Variants in STK32B observed in about 807,000 individuals in gnomAD.
STK32B encodes the protein serine/threonine-protein kinase 32B.
A neutral mutation model predicts 52.6 loss-of-function variants in STK32B; 43 were observed. The ratio of observed to expected loss-of-function variants is 0.82; its 90% CI spans 0.64 to 1.05. STK32B has a LOEUF of 1.05. Ranked by LOEUF, STK32B falls within the 50% of genes least tolerant of loss-of-function variation. STK32B has a pLI of 0.00. For synonymous variants in STK32B, 238 were observed against 204.3 expected (o/e 1.17, Z -1.41); for missense variants, 621 against 534.6 (o/e 1.16, Z -1.59).
chr4:5,242,890 G>A lies in STK32B; in HGVS notation c.260+74440G>A, dbSNP rs1017055057. Among the ~76,000 whole-genome samples, 18 of 152,012 alleles carry A rather than the reference G, an allele frequency of 1.2e-4. No homozygotes were observed. In the East Asian group the frequency reaches 3.3e-3, roughly 28 times the overall value. On this transcript the variant is annotated intron_variant, in intron 3 of 11. Transcript: ENST00000282908. ...TTTGTCAAAGATCAGATGGTTGTAG[G>A]TATGCGGCATTATTTCTGAGGCCTC...
intron 11 of STK32B, among the ~76,000 whole-genome samples, chr4:5,474,203 A>C (rs934143593): frequency 6.6e-6 from 1 of 152,160 alleles, no homozygotes; most frequent in Non-Finnish European, 1.5e-5. Flanking sequence ...TCCCAGCAAT[A>C]TGATAGGGAC....
At chr4:5,388,861 C>T (rs771914177) in intron 4 of STK32B, among the ~76,000 whole-genome samples, 1 of 152,212 alleles carries the variant, frequency 6.6e-6, no homozygotes, top group Non-Finnish European at 1.5e-5. Context: ...TGAAATCTCC[C>T]TGAGATATAC....
chr4:5,415,963 C>T (rs1006852475), intron 5 of STK32B, among the ~76,000 whole-genome samples: 9 of 152,262 alleles, frequency 5.9e-5, no homozygotes, highest in Middle Eastern at 6.8e-3. Flanking sequence ...CATTTAAGTC[C>T]CACATGCCAA....
intron 4 of STK32B, among the ~76,000 whole-genome samples, chr4:5,350,065 A>G (rs2108983879): frequency 6.6e-6 from 1 of 152,356 alleles, no homozygotes; most frequent in East Asian, 1.9e-4. Context: ...AACCTATTTA[A>G]TGAAAATTCT....
chr4:5,353,752 G>A (rs1433286410), intron 4 of STK32B, among the ~76,000 whole-genome samples: 1 of 152,156 alleles, frequency 6.6e-6, no homozygotes, highest in Non-Finnish European at 1.5e-5. Context: ...AGATGCTGGT[G>A]AGGATGTAAA....
chr4:5,307,708 A>G (rs1730021038), intron 3 of STK32B, among the ~76,000 whole-genome samples: 1 of 152,026 alleles, frequency 6.6e-6, no homozygotes, highest in South Asian at 2.1e-4. Context: ...GTTTTGTCAT[A>G]TTACCAGAAT....
intron 3 of STK32B, among the ~76,000 whole-genome samples, chr4:5,231,942 G>A (rs1475940515): frequency 6.6e-6 from 1 of 152,204 alleles, no homozygotes; most frequent in Non-Finnish European, 1.5e-5. Context: ...AAGATACACA[G>A]AAGAAAGGAT....
chr4:5,456,702 G>C, intron 7 of STK32B, 105 bp from the exon 8 acceptor site: 8 of 1,063,802 alleles, frequency 7.5e-6, no homozygotes, highest in Non-Finnish European at 1.1e-5. Context: ...ACTGTTACTT[G>C]AAGAGGAAGA....
At chr4:5,084,533 T>G (rs182459001) in intron 1 of STK32B, among the ~76,000 whole-genome samples, 53 of 152,336 alleles carry the variant, frequency 3.5e-4, no homozygotes, top group African/African-American at 1.2e-3. Flanking sequence ...ATGGCAGGAT[T>G]CCAAGTATGG....
intron 3 of STK32B, among the ~76,000 whole-genome samples, chr4:5,237,263 G>T (rs113587497): frequency 6.6e-6 from 1 of 152,166 alleles, no homozygotes; most frequent in African/African-American, 2.4e-5. Context: ...CTCAGCTCAC[G>T]CCAGATTCCT....
chr4:5,274,501 C>G (rs1251458279), intron 3 of STK32B, among the ~76,000 whole-genome samples: 1 of 151,600 alleles, frequency 6.6e-6, no homozygotes, highest in South Asian at 2.1e-4. Flanking sequence ...ACCACATCCA[C>G]CTTTAAACAC....
chr4:5,219,307 G>A (rs1254871260), intron 3 of STK32B, among the ~76,000 whole-genome samples: 10 of 152,230 alleles, frequency 6.6e-5, no homozygotes, highest in Admixed American at 5.9e-4. Context: ...CCTTTGGTGT[G>A]TGGAATTGGG....
At chr4:5,340,517 C>T (rs1733006192) in intron 4 of STK32B, among the ~76,000 whole-genome samples, 1 of 152,182 alleles carries the variant, frequency 6.6e-6, no homozygotes, top group Admixed American at 6.5e-5. Flanking sequence ...CCCTGCTTTT[C>T]TCATTTATTG....
chr4:5,363,161 A>G (rs1159508663), intron 4 of STK32B, among the ~76,000 whole-genome samples: 2 of 152,218 alleles, frequency 1.3e-5, no homozygotes, highest in Non-Finnish European at 2.9e-5. Flanking sequence ...CCTATCAGGA[A>G]TGTTTAAAGG....
intron 3 of STK32B, among the ~76,000 whole-genome samples, chr4:5,227,820 A>C (rs1474652328): frequency 4.6e-5 from 7 of 152,218 alleles, no homozygotes; most frequent in Admixed American, 4.6e-4. Context: ...CATCAGTGCC[A>C]TTCTTAAGTG....
intron 4 of STK32B, among the ~76,000 whole-genome samples, chr4:5,393,258 A>G (rs369882060): frequency 2.6e-5 from 4 of 152,240 alleles, no homozygotes; most frequent in South Asian, 2.1e-4. Flanking sequence ...CCACTCTGTT[A>G]TTATTCATAA....
chr4:5,498,964 CA>C lies in STK32B; in HGVS notation c.1127del (p.Gln376ArgfsTer65). ...NREKLRRQQG[Q>X]GSQLLDTDSR... Reference sequence around the variant, plus strand: ...TTGCAGGCTCAGGAGGCAGCAGGGACAGGGCAGCCAGCTCTTGGACACCGAC... The same window carrying C: ...TTGCAGGCTCAGGAGGCAGCAGGGACGGGCAGCCAGCTCTTGGACACCGAC... On this transcript the variant is annotated frameshift_variant, in exon 12 of 12. Coordinates refer to ENST00000282908, the MANE Select transcript of STK32B (RefSeq NM_018401.3). LOFTEE classifies it high-confidence loss of function. 6.2e-7 allele frequency: 1 copy of C among 1,613,008 alleles called. No individual in the cohort carries two copies. The highest frequency in any genetic ancestry group is 8.5e-7 in the Non-Finnish European group (1 of 1,179,386).
intron 11 of STK32B, among the ~76,000 whole-genome samples, chr4:5,477,561 TAAC>T (rs1489634336): frequency 6.6e-6 from 1 of 152,166 alleles, no homozygotes. Flanking sequence ...TTCAGTGACT[TAAC>T]AACAACCAAG....
rs370723859 is a variant in STK32B, at chr4:5,438,901, T to C, written c.563-7772T>C. On this transcript the variant is annotated intron_variant, in intron 6 of 11. Transcript: ENST00000282908. ...ATTTACTGAGAATGATGATTTCCAA[T>C]TTCATCCATGTCCCTACAAAGGACA... Among the ~76,000 whole-genome samples the C allele has an allele frequency of 9.8e-3, 1,491 of 151,864 alleles. 33 individuals are homozygous for C. The highest frequency in any genetic ancestry group is 0.034 in the African/African-American group (1,399 of 41,404).
Sources: allele counts gnomAD v4.1 joint callset (sites outside exome capture counted in the v4.1 genomes callset), GRCh38; gene constraint gnomAD v4.1.1; transcripts MANE v1.5; gene names NCBI Gene and HGNC (gene_info 2026-07-23, HGNC 2026-07-21).